Variants in NFE2L3 observed in about 807,000 individuals in gnomAD.
NFE2L3 encodes the protein nuclear factor erythroid 2-related factor 3.
Under a neutral mutation model 23.5 loss-of-function variants are expected in NFE2L3, and 18 were observed. The observed-to-expected ratio is 0.77, with a 90% confidence interval of 0.53 to 1.13. The LOEUF is 1.13. Among genes scored for constraint, NFE2L3 ranks in the 50% most tolerant of loss-of-function variants. NFE2L3 has a pLI of 0.00. For synonymous variants in NFE2L3, 424 were observed against 354.5 expected (o/e 1.20, Z -2.20); for missense variants, 1,152 against 877.2 (o/e 1.31, Z -3.96).
chr7:26,161,335 C>CTTTTTTTTTTTTTTTTTTT (rs914055111), intron 1 of NFE2L3, among the ~76,000 whole-genome samples: 1 of 69,562 alleles, frequency 1.4e-5, no homozygotes, highest in Non-Finnish European at 2.8e-5. Flanking sequence ...GCTTCTCTCT[C>CTTTTTTTTTTTTTTTTTTT]TTTTTTTTTT....
intron 2 of NFE2L3, among the ~76,000 whole-genome samples, chr7:26,182,121 T>G (rs1282167734): frequency 2.0e-5 from 3 of 152,072 alleles, no homozygotes; most frequent in African/African-American, 7.2e-5. Context: ...CGAAAACAAA[T>G]TAAGTCCTAG....
chr7:26,181,208 C>A (rs1156928307), intron 2 of NFE2L3, among the ~76,000 whole-genome samples: 1 of 152,146 alleles, frequency 6.6e-6, no homozygotes, highest in Non-Finnish European at 1.5e-5. Flanking sequence ...AATTCCTGGG[C>A]TCAAGCAATC....
At position 26,185,155 on chromosome 7, in the gene NFE2L3, A is replaced by G. The variant is rs775962721; in HGVS notation, c.1457A>G (p.His486Arg). The G allele has an allele frequency of 5.0e-6, 8 of 1,613,778 alleles. No homozygotes were observed. The highest frequency in any genetic ancestry group is 1.3e-5 in the African/African-American group (1 of 74,926). Residue 486 changes from histidine (H) to arginine (R), a missense_variant, in exon 4 of 4, where the codon CAT becomes CGT. Coordinates refer to ENST00000056233, the MANE Select transcript of NFE2L3 (RefSeq NM_004289.7). ...TTGGATCAAAGTGATTCTGATTTCC[A>G]TGGAGATCTTACATTTCAACACGTA... Reference protein sequence around the residue: ...CHLDQSDSDFHGDLTFQHVFH... With the variant: ...CHLDQSDSDFRGDLTFQHVFH...
rs546529185 is a variant in NFE2L3 at position 26,164,884 on chromosome 7, A to G, written c.570+11816A>G. Among the ~76,000 whole-genome samples, 1,105 of 152,358 alleles carry G rather than the reference A, an allele frequency of 7.3e-3. 14 individuals are homozygous for G. The highest frequency in any genetic ancestry group is 0.025 in the African/African-American group (1,057 of 41,582). On this transcript the variant is annotated intron_variant, in intron 1 of 3. Coordinates refer to ENST00000056233, the MANE Select transcript of NFE2L3 (RefSeq NM_004289.7). ...TTCAGCTTTCTACATATGGCTAGCC[A>G]GTTTTCCCAGCACCATTTATTAAAT...
At position 26,152,231 on chromosome 7, in the gene NFE2L3, TGGGCGAAC is replaced by T. The variant is rs1055426522; in HGVS notation, c.-263_-256del. The T allele has an allele frequency of 2.1e-5, 4 of 194,354 alleles. No homozygotes were observed. Among genetic ancestry groups the T allele is most frequent in the Non-Finnish European group, 2.1e-5 (2 of 96,882 alleles). The allele number at this position is 194,354 out of a possible 1,614,324, so 12.0% of individuals were successfully genotyped here. ...GCCACCGCGCCGGGCTGCGGGCGGC[TGGGCGAAC>T]GGGCTCGGCGCTCAGGTGGCTCCTT... On this transcript the variant is annotated 5_prime_UTR_variant, in exon 1 of 4. Coordinates refer to ENST00000056233, the MANE Select transcript of NFE2L3 (RefSeq NM_004289.7). The surrounding 1 kb of genome is among the most constrained non-coding windows in gnomAD (Gnocchi z 4.4).
rs183823264 is a variant in NFE2L3 at position 26,177,134 on chromosome 7, C to T, written c.571-809C>T. Among the ~76,000 whole-genome samples the T allele has an allele frequency of 1.2e-4, 18 of 144,798 alleles. 1 individual carries two copies. The highest frequency in any genetic ancestry group is 8.1e-4 in the East Asian group (4 of 4,944). The allele number at this position is 144,798 out of a possible 152,430, so 95.0% of individuals were successfully genotyped here. A position where few individuals can be genotyped will look rare whatever the true frequency, so the allele number is the denominator to read the frequency against. On this transcript the variant is annotated intron_variant, in intron 1 of 3. Transcript: ENST00000056233. The stretch of plus-strand genomic sequence containing the variant: ...CCCAGACGGGGTGGCCGGGCAGAGG[C>T]GCTCCTTACATCCCAGACGATGGGT...
chr7:26,159,315 T>G (rs1784135689), intron 1 of NFE2L3, among the ~76,000 whole-genome samples: 1 of 152,214 alleles, frequency 6.6e-6, no homozygotes, highest in South Asian at 2.1e-4. Flanking sequence ...CTCTCAAGTC[T>G]TTTATGGTTA....
chr7:26,161,867 G>A (rs1241934877), intron 1 of NFE2L3, among the ~76,000 whole-genome samples: 1 of 152,124 alleles, frequency 6.6e-6, no homozygotes, highest in Admixed American at 6.5e-5. Context: ...TTAATGCCAG[G>A]CGCAGTGGCT....
chr7:26,183,696 TAC>T lies in NFE2L3; in HGVS notation c.751-3_751-2del, dbSNP rs993213709. 16 of 1,597,248 alleles carry T rather than the reference TAC, an allele frequency of 1.0e-5. No homozygotes were observed. Among genetic ancestry groups the T allele is most frequent in the Non-Finnish European group, 1.2e-5 (14 of 1,164,736 alleles). On this transcript the variant is annotated splice_region_variant and splice_polypyrimidine_tract_variant and intron_variant, in intron 2 of 3. Transcript: ENST00000056233. Reference sequence around the variant, plus strand: ...GAAAGATGCACTTTTTGTGTTTCTCTACAGAGACATCTGAATGGGACAGATAC... The same window carrying T: ...GAAAGATGCACTTTTTGTGTTTCTCTAGAGACATCTGAATGGGACAGATAC...
chr7:26,173,564 T>A (rs1453268390), intron 1 of NFE2L3: 1 of 152,236 alleles, frequency 6.6e-6, no homozygotes, highest in East Asian at 1.9e-4. Flanking sequence ...TTTAATTATA[T>A]TCAGATTTAA....
chr7:26,176,460 T>C (rs1188833111), intron 1 of NFE2L3, among the ~76,000 whole-genome samples: 3 of 140,982 alleles, frequency 2.1e-5, no homozygotes, highest in South Asian at 4.6e-4. Flanking sequence ...CGCTCCTCAC[T>C]TCCCAGACGG....
At chr7:26,174,525 A>C (rs911174130) in intron 1 of NFE2L3, 1 of 152,228 alleles carries the variant, frequency 6.6e-6, no homozygotes, top group Non-Finnish European at 1.5e-5. Context: ...GAAATGTGCA[A>C]AGGGAGAGAC....
At chr7:26,180,050 A>G (rs1015228397) in intron 2 of NFE2L3, among the ~76,000 whole-genome samples, 1 of 151,894 alleles carries the variant, frequency 6.6e-6, no homozygotes, top group Admixed American at 6.6e-5. Flanking sequence ...CCTCTCAACC[A>G]TTTGCTGGCC....
intron 1 of NFE2L3, among the ~76,000 whole-genome samples, chr7:26,166,236 C>T (rs1199388887): frequency 6.6e-6 from 1 of 152,082 alleles, no homozygotes; most frequent in African/African-American, 2.4e-5. Flanking sequence ...CGTTGGAGTG[C>T]CCAGAGGCTC....
At chr7:26,165,606 G>T (rs1784236804) in intron 1 of NFE2L3, among the ~76,000 whole-genome samples, 1 of 152,162 alleles carries the variant, frequency 6.6e-6, no homozygotes, top group East Asian at 1.9e-4. Flanking sequence ...GGGACAATTT[G>T]ACTTCCTCTT....
intron 2 of NFE2L3, among the ~76,000 whole-genome samples, chr7:26,183,177 AGTT>A (rs1268376900): frequency 6.6e-6 from 1 of 152,170 alleles, no homozygotes; most frequent in East Asian, 1.9e-4. Flanking sequence ...ATTACATGGA[AGTT>A]GTTTATGGTA....
At chr7:26,183,656 T>G (rs756921598) in intron 2 of NFE2L3, 45 bp from the exon 3 acceptor site, 1 of 1,215,194 alleles carries the variant, frequency 8.2e-7, no homozygotes, top group East Asian at 2.3e-5. Context: ...CCCCAACCAG[T>G]TCAGTCTTTT....
intron 1 of NFE2L3, among the ~76,000 whole-genome samples, chr7:26,169,093 T>C (rs1319717817): frequency 6.6e-6 from 1 of 152,166 alleles, no homozygotes; most frequent in African/African-American, 2.4e-5. Flanking sequence ...CAAGAAGCAA[T>C]TGCAAATTAT....
At chr7:26,160,967 C>T (rs1784157413) in intron 1 of NFE2L3, among the ~76,000 whole-genome samples, 1 of 152,194 alleles carries the variant, frequency 6.6e-6, no homozygotes, top group Non-Finnish European at 1.5e-5. Flanking sequence ...AGGGCTGGTA[C>T]AGTTCCTGGC....
Sources: gnomAD v4.1 joint callset for allele counts (sites outside exome capture counted in the v4.1 genomes callset) on GRCh38, gnomAD v4.1.1 for gene constraint, Gnocchi (gnomAD v3.1) non-coding constraint, MANE v1.5 for transcripts, NCBI Gene and HGNC (gene_info 2026-07-23, HGNC 2026-07-21) for gene names.